Variants in ABCC8 observed in about 807,000 individuals in gnomAD.
The protein encoded by ABCC8 is ATP binding cassette subfamily C member 8.
A neutral mutation model predicts 188.0 loss-of-function variants in ABCC8; 137 were observed. The ratio of observed to expected loss-of-function variants is 0.73; its 90% CI spans 0.63 to 0.84. ABCC8 has a LOEUF of 0.84. ABCC8 is among the 40% of genes least tolerant of loss of function. The pLI is 0.00. For synonymous variants in ABCC8, 797 were observed against 846.5 expected (o/e 0.94, Z 1.01); for missense variants, 1,750 against 2,072.7 (o/e 0.84, Z 3.02).
At chr11:17,448,906 T>C (rs1956648988) in intron 7 of ABCC8, among the ~76,000 whole-genome samples, 1 of 152,158 alleles carries the variant, frequency 6.6e-6, no homozygotes, top group Non-Finnish European at 1.5e-5. Flanking sequence ...AATTGGTTCT[T>C]TATTTTTATT....
chr11:17,466,161 G>A (rs1410449621), intron 3 of ABCC8, among the ~76,000 whole-genome samples: 1 of 152,132 alleles, frequency 6.6e-6, no homozygotes, highest in African/African-American at 2.4e-5. Context: ...AGCACTTTGG[G>A]AGGCCGAGGT....
At chr11:17,432,323 G>C (rs1289308116) in intron 10 of ABCC8, 79 bp from the exon 11 acceptor site, 4 of 1,551,126 alleles carry the variant, frequency 2.6e-6, no homozygotes, top group Non-Finnish European at 3.5e-6. Context: ...TGGCTTGGAG[G>C]CAGCGCAGTC....
intron 27 of ABCC8, 99 bp downstream of exon 27, chr11:17,405,395 T>C: frequency 6.4e-7 from 1 of 1,562,240 alleles, no homozygotes; most frequent in Non-Finnish European, 8.8e-7. Flanking sequence ...CAGAGGGCTG[T>C]GATCACCTGA....
At position 17,463,708 on chromosome 11, in the gene ABCC8, G is replaced by T. The variant is rs1413292688; in HGVS notation, c.413-104C>A. ...GCAGAGAAGGAGACAGAATAAGCGT[G>T]CCTGGGTGTGTACATTTCCGAGTAA... On this transcript the variant is annotated intron_variant, in intron 3 of 38. Transcript: ENST00000389817. 67 of 1,453,226 alleles carry T rather than the reference G, an allele frequency of 4.6e-5. 1 individual carries two copies. In the East Asian group the frequency reaches 1.7e-3, roughly 36 times the overall value. The allele number at this position is 1,453,226 out of a possible 1,614,324, so 90.0% of individuals were successfully genotyped here.
At chr11:17,441,823 T>C (rs1316353071) in intron 10 of ABCC8, among the ~76,000 whole-genome samples, 1 of 152,220 alleles carries the variant, frequency 6.6e-6, no homozygotes, top group Non-Finnish European at 1.5e-5. Flanking sequence ...GGCTCATGCA[T>C]GTAATTCCAG....
At chr11:17,397,107 AC>A (rs1953973430) in intron 32 of ABCC8, 61 bp from the exon 33 acceptor site, 1 of 1,613,518 alleles carries the variant, frequency 6.2e-7, no homozygotes, top group Non-Finnish European at 8.5e-7. Flanking sequence ...CGAAAGTGCC[AC>A]CCCATCCCCA....
At chr11:17,435,766 A>G in intron 10 of ABCC8, 1 of 1,347,854 alleles carries the variant, frequency 7.4e-7, no homozygotes, top group South Asian at 1.2e-5. Context: ...GCCTTTTCCT[A>G]GGTCCCACAT....
intron 7 of ABCC8, among the ~76,000 whole-genome samples, chr11:17,449,456 C>T (rs546414337): frequency 1.7e-4 from 26 of 152,184 alleles, no homozygotes; most frequent in Non-Finnish European, 3.4e-4. Context: ...ATGTGTTACA[C>T]GACCGCGTGA....
intron 3 of ABCC8, among the ~76,000 whole-genome samples, chr11:17,466,961 C>G (rs886155817): frequency 6.6e-6 from 1 of 151,560 alleles, no homozygotes; most frequent in South Asian, 2.1e-4. Context: ...CCACCATGCC[C>G]GGCTGTGAAT....
At chr11:17,446,142 T>A (rs1457454533) in intron 8 of ABCC8, among the ~76,000 whole-genome samples, 6 of 151,866 alleles carry the variant, frequency 4.0e-5, no homozygotes, top group Non-Finnish European at 5.9e-5. Flanking sequence ...ATTTTTGTAT[T>A]TTTAGTAGAG....
intron 31 of ABCC8, 48 bp from the exon 32 acceptor site, chr11:17,397,361 GTCC>G: frequency 6.2e-7 from 1 of 1,602,770 alleles, no homozygotes; most frequent in Non-Finnish European, 8.5e-7. Context: ...GCTTAGTTCT[GTCC>G]TCAGCCACCA....
At chr11:17,462,407 A>C (rs1016672940) in intron 4 of ABCC8, among the ~76,000 whole-genome samples, 1 of 152,346 alleles carries the variant, frequency 6.6e-6, no homozygotes, top group East Asian at 1.9e-4. Context: ...AAAGGGCTGT[A>C]GCCCTCACTG....
At chr11:17,449,770 G>A (rs575219045) in intron 7 of ABCC8, among the ~76,000 whole-genome samples, 2 of 152,270 alleles carry the variant, frequency 1.3e-5, no homozygotes, top group East Asian at 3.9e-4. Context: ...GCTTTTTTGT[G>A]GGTCAGGTTT....
intron 8 of ABCC8, among the ~76,000 whole-genome samples, chr11:17,444,072 G>A (rs1956429127): frequency 6.6e-6 from 1 of 152,284 alleles, no homozygotes; most frequent in African/African-American, 2.4e-5. Flanking sequence ...TAGTCCCAGA[G>A]CCCTACACCA....
chr11:17,395,949 G>A lies in ABCC8; in HGVS notation c.4120-19C>T, dbSNP rs1800853. The A allele has an allele frequency of 7.6e-3, 11,827 of 1,561,592 alleles. 192 individuals are homozygous for A. The highest frequency in any genetic ancestry group is 0.043 in the Admixed American group (2,259 of 52,798). Reference sequence around the variant, plus strand: ...TCCCGATCTGGAAAGAGAGAAGCAGGCACCGCCACTGGGACTCTGGGGCTG... The same window carrying A: ...TCCCGATCTGGAAAGAGAGAAGCAGACACCGCCACTGGGACTCTGGGGCTG... On this transcript the variant is annotated intron_variant, in intron 33 of 38. Transcript: ENST00000389817.
At chr11:17,462,418 C>A (rs1353537788) in intron 4 of ABCC8, among the ~76,000 whole-genome samples, 1 of 152,192 alleles carries the variant, frequency 6.6e-6, no homozygotes, top group Non-Finnish European at 1.5e-5. Context: ...GCCCTCACTG[C>A]TGGTTGGAAG....
chr11:17,420,301 A>G (rs570706308), intron 16 of ABCC8, among the ~76,000 whole-genome samples: 100 of 152,280 alleles, frequency 6.6e-4, no homozygotes, highest in African/African-American at 2.3e-3. Flanking sequence ...GGTTTTACTC[A>G]TTGTCCAGAC....
chr11:17,410,747 C>T (rs1255708454), intron 21 of ABCC8, 94 bp from the exon 22 acceptor site: 2 of 1,567,626 alleles, frequency 1.3e-6, no homozygotes, highest in Non-Finnish European at 1.7e-6. Context: ...GTTCTATCAA[C>T]TCTGCTCTAG....
intron 8 of ABCC8, 24 bp downstream of exon 8, chr11:17,448,492 C>T: frequency 6.2e-7 from 1 of 1,609,148 alleles, no homozygotes; most frequent in Non-Finnish European, 8.5e-7. Flanking sequence ...TGCCCCCCTC[C>T]CTTCCCCTCA....
Sources: allele counts gnomAD v4.1 joint callset (sites outside exome capture counted in the v4.1 genomes callset), GRCh38; gene constraint gnomAD v4.1.1; transcripts MANE v1.5; gene names NCBI Gene and HGNC (gene_info 2026-07-23, HGNC 2026-07-21).